DENND1B: variants seen among roughly 807,000 people sequenced by gnomAD.
DENND1B encodes DENN domain-containing protein 1B.
A neutral mutation model predicts 90.1 loss-of-function variants in DENND1B; 59 were observed. The observed-to-expected ratio is 0.65, with a 90% CI of 0.53 to 0.81. The LOEUF (loss-of-function observed/expected upper bound fraction) is 0.81, where lower values mean the gene tolerates loss of function less well. Ranked by LOEUF, DENND1B falls within the 40% of genes least tolerant of loss-of-function variation. The probability of loss-of-function intolerance (pLI) is 0.00; values close to 1 mark genes in which losing one functional copy is unlikely to be tolerated. For missense variants in DENND1B, 862 were observed against 912.6 expected, an observed-to-expected ratio of 0.94 and a Z score of 0.71; for synonymous variants, 337 against 324.6, an observed-to-expected ratio of 1.04 and a Z score of -0.41.
chr1:197,690,111 A>G (rs1657704445), intron 3 of DENND1B: 1 of 231,092 alleles, frequency 4.3e-6, no homozygotes, highest in Non-Finnish European at 8.7e-6. Flanking sequence ...ACCAGTTAAC[A>G]CTACAACTGA....
At chr1:197,527,749 T>C (rs1202732880) in intron 20 of DENND1B, among the ~76,000 whole-genome samples, 1 of 152,210 alleles carries the variant, frequency 6.6e-6, no homozygotes, top group African/African-American at 2.4e-5. Context: ...TTTTACAAAG[T>C]AAAGTATTCT....
chr1:197,763,360 G>T (rs1244688446), intron 2 of DENND1B, among the ~76,000 whole-genome samples: 3 of 152,032 alleles, frequency 2.0e-5, no homozygotes, highest in Non-Finnish European at 2.9e-5. Flanking sequence ...TTAAAAGAAA[G>T]GAATTTAACA....
intron 10 of DENND1B, among the ~76,000 whole-genome samples, chr1:197,634,975 CA>C (rs76012304): frequency 0.17 from 25,842 of 151,396 alleles, 2,385 homozygotes; most frequent in Non-Finnish European, 0.2. Context: ...ACCTTGGCGA[CA>C]AGAGTGCAAC....
rs1002571644 is a variant in DENND1B, at chr1:197,619,577, T to C, written c.673-1818A>G. 3.3e-5 allele frequency among the ~76,000 whole-genome samples: 5 copies of C among 151,254 alleles called. No homozygotes were observed. The South Asian group carries it at 8.3e-4, about 25-fold the overall frequency. ...TTTGTTACTGAGCAAATAAAAACTG[T>C]AGCAAGAGGAAAAACACGTTCTTAA... On this transcript the variant is annotated intron_variant, in intron 10 of 22. Transcript: ENST00000620048.
At position 197,510,120 on chromosome 1, in the gene DENND1B, A is replaced by C. The variant is rs1490308891; in HGVS notation, c.*340T>G. ...TCTTGATCAGTTCATGCTCAACCAGATTAGTATAGTAGCTACTGGTTATGT... is the reference window on the plus strand; with the variant it reads ...TCTTGATCAGTTCATGCTCAACCAGCTTAGTATAGTAGCTACTGGTTATGT... On this transcript the variant is annotated 3_prime_UTR_variant, in exon 23 of 23. Coordinates refer to ENST00000620048, the MANE Select transcript of DENND1B (RefSeq NM_001195215.2). 4.4e-6 allele frequency: 1 copy of C among 225,296 alleles called. No homozygotes were observed. The highest frequency in any genetic ancestry group is 5.2e-5 in the Admixed American group (1 of 19,160). The allele number at this position is 225,296 out of a possible 1,614,324, so 14.0% of individuals were successfully genotyped here. A position where few individuals can be genotyped will look rare whatever the true frequency, so the allele number is the denominator to read the frequency against.
intron 3 of DENND1B, chr1:197,690,665 T>C: frequency 5.2e-6 from 1 of 191,802 alleles, no homozygotes; most frequent in South Asian, 1.1e-4. Flanking sequence ...CACCCTAGTT[T>C]TATTCAGTGG....
At chr1:197,622,091 G>C (rs1678223043) in intron 10 of DENND1B, among the ~76,000 whole-genome samples, 1 of 151,294 alleles carries the variant, frequency 6.6e-6, no homozygotes. Flanking sequence ...TGACAGCAAA[G>C]GTCTGCAACA....
At position 197,510,750 on chromosome 1, in the gene DENND1B, G is replaced by C; in HGVS notation, c.2038C>G (p.Pro680Ala). 6.2e-7 allele frequency: 1 copy of C among 1,612,620 alleles called. No individual in the cohort carries two copies. The highest frequency in any genetic ancestry group is 2.2e-5 in the East Asian group (1 of 44,814). Residue 680 changes from proline (P) to alanine (A), a missense_variant, in exon 23 of 23, where the codon CCT (proline) becomes GCT (alanine). By Grantham distance (27) the Pro-to-Ala change is conservative. Transcript: ENST00000620048. Reference protein sequence around the residue: ...KHLGADNVSDPTSGLDFQLTS... With the variant: ...KHLGADNVSDATSGLDFQLTS... ...AGTTGGAAATCCAGTCCTGAAGTAG[G>C]GTCACTCACATTGTCAGCACCGAGG... is the stretch of plus-strand genomic sequence containing the variant.
chr1:197,556,378 T>C (rs1671718863), intron 15 of DENND1B, among the ~76,000 whole-genome samples: 1 of 151,984 alleles, frequency 6.6e-6, no homozygotes. Flanking sequence ...GAAACAACTA[T>C]TAATGGAAAA....
intron 14 of DENND1B, among the ~76,000 whole-genome samples, chr1:197,591,348 T>C (rs566498653): frequency 1.3e-5 from 2 of 152,316 alleles, no homozygotes; most frequent in South Asian, 4.1e-4. Context: ...ATTCAACATA[T>C]ATCTGATAAA....
At chr1:197,520,483 T>C (rs1160877985) in intron 20 of DENND1B, among the ~76,000 whole-genome samples, 1 of 151,870 alleles carries the variant, frequency 6.6e-6, no homozygotes, top group Non-Finnish European at 1.5e-5. Context: ...AATGAAAAAA[T>C]AGGTCCAGTC....
At chr1:197,601,005 A>G (rs2125823397) in intron 13 of DENND1B, among the ~76,000 whole-genome samples, 1 of 151,290 alleles carries the variant, frequency 6.6e-6, no homozygotes, top group East Asian at 2.0e-4. Flanking sequence ...CGTGCCACTG[A>G]GCTACAACAG....
intron 10 of DENND1B, among the ~76,000 whole-genome samples, chr1:197,641,665 G>A (rs899833188): frequency 2.0e-5 from 3 of 151,834 alleles, no homozygotes; most frequent in African/African-American, 4.8e-5. Context: ...CAATTGTAGA[G>A]TAATGGAAAT....
At position 197,644,926 on chromosome 1, in the gene DENND1B, C is replaced by T. The variant is rs74707559; in HGVS notation, c.561+764G>A. Among the ~76,000 whole-genome samples the T allele has an allele frequency of 8.1e-4, 123 of 152,196 alleles. No individual in the cohort carries two copies. The East Asian group carries it at 0.011, about 13-fold the overall frequency. ...TTTACTTTTGATTGAGTTATTCCTA[C>T]TGATTCATTTTAACTTTCCAAGGGA... On this transcript the variant is annotated intron_variant, in intron 9 of 22. Transcript: ENST00000620048.
intron 6 of DENND1B, among the ~76,000 whole-genome samples, chr1:197,656,798 T>C (rs1653875087): frequency 1.3e-5 from 2 of 151,528 alleles, no homozygotes; most frequent in Non-Finnish European, 2.9e-5. Context: ...AGCAAGACTC[T>C]GTCTCCAAAA....
chr1:197,688,094 T>A lies in DENND1B; in HGVS notation c.127-13925A>T, dbSNP rs571680645. Among the ~76,000 whole-genome samples, 67 of 152,164 alleles carry A rather than the reference T, an allele frequency of 4.4e-4. No individual in the cohort carries two copies. The South Asian group carries it at 0.013, about 30-fold the overall frequency. On this transcript the variant is annotated intron_variant, in intron 3 of 22. Coordinates refer to ENST00000620048, the MANE Select transcript of DENND1B (RefSeq NM_001195215.2). ...ATAAGATCAAAAAGAATAAAATACT[T>A]AGGAATAACATTGACCAAGGAAATG...
chr1:197,583,830 C>T (rs1674460432), intron 14 of DENND1B, among the ~76,000 whole-genome samples: 2 of 152,140 alleles, frequency 1.3e-5, no homozygotes, highest in South Asian at 2.1e-4. Context: ...CTTGTGGTAG[C>T]TCTACCAAAT....
In DENND1B at chr1:197,559,291, T is replaced by C. The variant is rs1027036186; in HGVS notation, c.1150-6179A>G. Among the ~76,000 whole-genome samples the C allele has an allele frequency of 2.6e-5, 4 of 151,990 alleles. No individual in the cohort carries two copies. The East Asian group carries it at 7.7e-4, about 29-fold the overall frequency. On this transcript the variant is annotated intron_variant, in intron 15 of 22. Coordinates refer to ENST00000620048, the MANE Select transcript of DENND1B (RefSeq NM_001195215.2). ...GTATCATTTTAAAAGAAATATTTGA[T>C]CTTTTTTAAATCCTTATAAAAAAGA...
Position 197,628,863 on chromosome 1 carries a change from G to A in DENND1B, c.673-11104C>T, listed in dbSNP as rs934107029. Among the ~76,000 whole-genome samples, 1,405 of 151,826 alleles carry A rather than the reference G, an allele frequency of 9.3e-3. 17 individuals carry two copies. Among genetic ancestry groups the A allele is most frequent in the African/African-American group, 0.028 (1,167 of 41,392 alleles). ...CAAACAACCCCATCAAAAAGTGGGC[G>A]AAGGATATGAACAGACACTTCTCAA... On this transcript the variant is annotated intron_variant, in intron 10 of 22. Coordinates refer to ENST00000620048, the MANE Select transcript of DENND1B (RefSeq NM_001195215.2).
Sources: gnomAD v4.1 joint callset for allele counts (sites outside exome capture counted in the v4.1 genomes callset) on GRCh38, gnomAD v4.1.1 for gene constraint, MANE v1.5 for transcripts, NCBI Gene and HGNC (gene_info 2026-07-23, HGNC 2026-07-21) for gene names.